The following DNAH10 variants were observed in gnomAD, a reference collection of about 807,000 sequenced individuals.
DNAH10 encodes the protein dynein axonemal heavy chain 10, also known as axonemal beta dynein heavy chain 10.
DNAH10 carries 348 observed loss-of-function variants against 506.6 expected under a neutral mutation model. The ratio of observed to expected loss-of-function variants is 0.69; its 90% CI spans 0.63 to 0.75. DNAH10 has a LOEUF of 0.75. DNAH10 is among the 30% of genes least tolerant of loss of function. The pLI is 0.00. For missense variants in DNAH10, 5,179 were observed against 5,787.1 expected, an observed-to-expected ratio of 0.89 and a Z score of 3.41; for synonymous variants, 2,059 against 2,198.6, an observed-to-expected ratio of 0.94 and a Z score of 1.78.
chr12:123,813,357 G>A lies in DNAH10; in HGVS notation c.3338G>A (p.Arg1113Gln), dbSNP rs767732414. Reference protein sequence around the residue: ...NLMKYLQKWKRYRPLWKLDKA... With the variant: ...NLMKYLQKWKQYRPLWKLDKA... Reference sequence around the variant, plus strand: ...ATGAAGTATCTACAAAAATGGAAGCGGTATCGACCTCTCTGGAAATTGGAC... The same window carrying A: ...ATGAAGTATCTACAAAAATGGAAGCAGTATCGACCTCTCTGGAAATTGGAC... Residue 1113 changes from arginine (R) to glutamine (Q), a missense_variant, in exon 20 of 79, where the codon CGG becomes CAG. Around this residue, in one of 3 missense-constraint regions of DNAH10, gnomAD observed 4,844 missense variants for 5,430.5 expected, o/e 0.89. Coordinates refer to ENST00000673944, the MANE Select transcript of DNAH10 (RefSeq NM_001372106.1). The A allele has an allele frequency of 2.1e-5, 34 of 1,614,060 alleles. No homozygotes were observed. The highest frequency in any genetic ancestry group is 5.0e-5 in the Admixed American group (3 of 60,002).
At chr12:123,896,164 G>T (rs1370861597) in intron 54 of DNAH10, among the ~76,000 whole-genome samples, 41 of 148,736 alleles carry the variant, frequency 2.8e-4, no homozygotes, top group African/African-American at 6.7e-4. Context: ...GAGAGAGAGA[G>T]AGAGAGAGAG....
rs1207866506 is a variant in DNAH10 at position 123,902,565 on chromosome 12, A to T, written c.9641-374A>T. Among the ~76,000 whole-genome samples the T allele has an allele frequency of 1.3e-5, 2 of 152,172 alleles. No individual in the cohort carries two copies. Among genetic ancestry groups the T allele is most frequent in the African/African-American group, 4.8e-5 (2 of 41,448 alleles). On this transcript the variant is annotated intron_variant, in intron 56 of 78. Coordinates refer to ENST00000673944, the MANE Select transcript of DNAH10 (RefSeq NM_001372106.1). The surrounding 1 kb of genome is among the most constrained non-coding windows in gnomAD (Gnocchi z 4.5). Reference sequence around the variant, plus strand: ...GCCCGAGTGAGCGTAGGAAGAGGCGATGAGAGGCAGAAGGAGGAGATCGCA... The same window carrying T: ...GCCCGAGTGAGCGTAGGAAGAGGCGTTGAGAGGCAGAAGGAGGAGATCGCA...
chr12:123,881,409 G>A lies in DNAH10; in HGVS notation c.8635-216G>A, dbSNP rs1010161882. Among the ~76,000 whole-genome samples, 6 of 152,284 alleles carry A rather than the reference G, an allele frequency of 3.9e-5. No homozygotes were observed. In the South Asian group the frequency reaches 1.0e-3, roughly 26 times the overall value. ...CATTTCTCTGATGGCCAGTGATGATGAGCATTTTTTCATGTGTCTTTTGGC... is the reference window on the plus strand; with the variant it reads ...CATTTCTCTGATGGCCAGTGATGATAAGCATTTTTTCATGTGTCTTTTGGC... On this transcript the variant is annotated intron_variant, in intron 50 of 78. Coordinates refer to ENST00000673944, the MANE Select transcript of DNAH10 (RefSeq NM_001372106.1).
intron 11 of DNAH10, among the ~76,000 whole-genome samples, chr12:123,792,661 A>T (rs1958125271): frequency 6.6e-6 from 1 of 151,938 alleles, no homozygotes; most frequent in African/African-American, 2.4e-5. Context: ...GAGTTTCGCC[A>T]TGTTGGCCAG....
At position 123,841,396 on chromosome 12, in the gene DNAH10, A is replaced by C. The variant is rs1327732067; in HGVS notation, c.5211A>C (p.Ser1737=). ...AAAAACTGGTGTCCGCGATGATTTC[A>C]GCAGAAGGAGAAGTCATGGAGTTTC... The part of the protein sequence containing the change: ...SGEKLVSAMI[S]AEGEVMEFRK... Residue 1737 remains serine, a synonymous_variant, in exon 30 of 79, where the codon TCA becomes TCC. Transcript: ENST00000673944. 6.2e-7 allele frequency: 1 copy of C among 1,614,032 alleles called. No individual in the cohort carries two copies. Among genetic ancestry groups the C allele is most frequent in the East Asian group, 2.2e-5 (1 of 44,886 alleles).
chr12:123,783,039 C>T lies in DNAH10; in HGVS notation c.842-68C>T, dbSNP rs1957722361. Reference sequence around the variant, plus strand: ...CTTGAGAGACGACCCAGCCGGTGAACTTGAATGTTTCTCTTTGTAATCATT... The same window carrying T: ...CTTGAGAGACGACCCAGCCGGTGAATTTGAATGTTTCTCTTTGTAATCATT... On this transcript the variant is annotated intron_variant, in intron 6 of 78. Transcript: ENST00000673944. The T allele has an allele frequency of 1.4e-5, 21 of 1,533,490 alleles. No homozygotes were observed. In the East Asian group the frequency reaches 1.8e-4, roughly 13 times the overall value. The allele number at this position is 1,533,490 out of a possible 1,614,324, so 95.0% of individuals were successfully genotyped here.
chr12:123,826,596 T>C, intron 24 of DNAH10, 91 bp from the exon 25 acceptor site: 1 of 1,162,006 alleles, frequency 8.6e-7, no homozygotes, highest in Non-Finnish European at 1.2e-6. Flanking sequence ...CTTTAAAATA[T>C]CTGAACGTGA....
At chr12:123,791,700 C>T (rs1394562280) in intron 11 of DNAH10, among the ~76,000 whole-genome samples, 1 of 152,090 alleles carries the variant, frequency 6.6e-6, no homozygotes, top group Non-Finnish European at 1.5e-5. Context: ...CCTCAGCCTA[C>T]CGAGTAGTTG....
intron 30 of DNAH10, among the ~76,000 whole-genome samples, chr12:123,844,090 T>C (rs1950865062): frequency 1.3e-5 from 2 of 152,216 alleles, no homozygotes; most frequent in Admixed American, 6.5e-5. Context: ...CTTACAGTCA[T>C]GGCGGAAGAC....
At chr12:123,844,673 C>G (rs1164757407) in intron 30 of DNAH10, among the ~76,000 whole-genome samples, 4 of 152,232 alleles carry the variant, frequency 2.6e-5, no homozygotes, top group African/African-American at 9.6e-5. Flanking sequence ...GGGTCTTGCT[C>G]TGTTGCCCTG....
At position 123,928,602 on chromosome 12, in the gene DNAH10, T is replaced by C. The variant is rs1451328539; in HGVS notation, c.12306+15T>C. 15 of 1,583,746 alleles carry C rather than the reference T, an allele frequency of 9.5e-6. No homozygotes were observed. The highest frequency in any genetic ancestry group is 1.3e-5 in the Non-Finnish European group (15 of 1,164,980). ...AGTCCCTAAAGGTCTGGCTTCAGGA[T>C]GGACATCAACATGCCAGCACGCAGC... On this transcript the variant is annotated intron_variant, in intron 70 of 78. Transcript: ENST00000673944. This position sits in a 1 kb window ranked among gnomAD's most constrained non-coding sequence, Gnocchi z 4.9.
intron 5 of DNAH10, among the ~76,000 whole-genome samples, chr12:123,776,915 T>C (rs1957462392): frequency 6.6e-6 from 1 of 152,048 alleles, no homozygotes; most frequent in Non-Finnish European, 1.5e-5. Flanking sequence ...ATATATAGTG[T>C]GTTAGACAGC....
At chr12:123,776,032 AACTC>A (rs1957424826) in intron 5 of DNAH10, among the ~76,000 whole-genome samples, 1 of 152,146 alleles carries the variant, frequency 6.6e-6, no homozygotes, top group Non-Finnish European at 1.5e-5. Flanking sequence ...ATCTCATGAG[AACTC>A]ACTCACTATC....
At chr12:123,764,631 G>A (rs186015307) in intron 1 of DNAH10, among the ~76,000 whole-genome samples, 59 of 152,328 alleles carry the variant, frequency 3.9e-4, no homozygotes, top group African/African-American at 1.2e-3. Context: ...ATGTCATCCA[G>A]TGTGGAAGCA....
In DNAH10 at chr12:123,875,473, C is replaced by A; in HGVS notation, c.8181C>A (p.Ile2727=). Residue 2727 remains isoleucine (I), a synonymous_variant, in exon 47 of 79, where the codon ATC becomes ATA. Transcript: ENST00000673944. ...CTCTGCATTTAATTTATTCCTCCAT[C>A]CTGAAAGGCCACACCTCGGTAACTT... ...EESLHLIYSS[I]LKGHTSTFHE... 6.2e-7 allele frequency: 1 copy of A among 1,613,904 alleles called. No individual in the cohort carries two copies. The highest frequency in any genetic ancestry group is 1.3e-5 in the African/African-American group (1 of 75,026).
intron 40 of DNAH10, 147 bp from the exon 41 acceptor site, chr12:123,865,804 A>C (rs1476571398): frequency 3.0e-6 from 2 of 676,396 alleles, no homozygotes; most frequent in East Asian, 3.2e-5. Flanking sequence ...CCAGGTGTTC[A>C]GTTAAAAAGC....
chr12:123,879,250 C>T lies in DNAH10; in HGVS notation c.8373-14C>T. The stretch of plus-strand genomic sequence containing the variant: ...GTGACTTCCTGGCTGATTTTTGTCC[C>T]TTCCATTCTGCAGATTCCAGACGGT... On this transcript the variant is annotated splice_polypyrimidine_tract_variant and intron_variant, in intron 48 of 78. Coordinates refer to ENST00000673944, the MANE Select transcript of DNAH10 (RefSeq NM_001372106.1). The T allele has an allele frequency of 1.9e-6, 3 of 1,561,506 alleles. No individual in the cohort carries two copies. The highest frequency in any genetic ancestry group is 2.6e-6 in the Non-Finnish European group (3 of 1,152,266).
At chr12:123,918,145 C>T (rs1394612858) in intron 64 of DNAH10, among the ~76,000 whole-genome samples, 1 of 152,228 alleles carries the variant, frequency 6.6e-6, no homozygotes, top group East Asian at 1.9e-4. Context: ...ACCAGGAGGA[C>T]CTGGTTTCTG....
chr12:123,805,283 C>G (rs902019340), intron 18 of DNAH10, among the ~76,000 whole-genome samples: 12 of 152,202 alleles, frequency 7.9e-5, no homozygotes, highest in African/African-American at 2.9e-4. Context: ...CATCGTGAGC[C>G]TGTGTTCAGC....
Sources: allele counts gnomAD v4.1 joint callset (sites outside exome capture counted in the v4.1 genomes callset), GRCh38; gene constraint gnomAD v4.1.1; regional missense constraint gnomAD v4.1.1; non-coding constraint Gnocchi (gnomAD v3.1); transcripts MANE v1.5; gene names NCBI Gene and HGNC (gene_info 2026-07-23, HGNC 2026-07-21).